WNK1: variants seen among roughly 807,000 people sequenced by gnomAD.
WNK1 encodes WNK lysine deficient protein kinase 1.
Under a neutral mutation model 222.8 loss-of-function variants are expected in WNK1, and 38 were observed. The observed-to-expected ratio is 0.17, with a 90% confidence interval of 0.13 to 0.22. WNK1 has a LOEUF of 0.22. Ranked by LOEUF, WNK1 falls within the 10% of genes least tolerant of loss-of-function variation. The pLI is 1.00. For synonymous variants in WNK1, 1,090 were observed against 1,092.9 expected (o/e 1.00, Z 0.05); for missense variants, 2,348 against 2,918.4 (o/e 0.80, Z 4.50).
At chr12:851,619 C>T in intron 4 of WNK1, 1 of 1,270,140 alleles carries the variant, frequency 7.9e-7, no homozygotes, top group Non-Finnish European at 1.0e-6. Context: ...CTTCCTTATG[C>T]TGTGGGCTGA....
At chr12:890,639 T>C in intron 22 of WNK1, 126 bp downstream of exon 22, 2 of 980,728 alleles carry the variant, frequency 2.0e-6, no homozygotes, top group Non-Finnish European at 1.6e-6. Flanking sequence ...GGTAGTAATA[T>C]CTAAAGCTTG....
At chr12:853,854 G>T (rs78295104) in intron 4 of WNK1, among the ~76,000 whole-genome samples, 180 of 152,124 alleles carry the variant, frequency 1.2e-3, no homozygotes, top group African/African-American at 3.8e-3. Context: ...GGGCTGAAAT[G>T]ATCCTCTGGC....
At chr12:838,187 A>G (rs1018058372) in intron 4 of WNK1, among the ~76,000 whole-genome samples, 37 of 152,138 alleles carry the variant, frequency 2.4e-4, no homozygotes, top group African/African-American at 8.4e-4. Context: ...TGTTGTGAAT[A>G]GAGCTGCTAC....
rs72650723 is a variant in WNK1 at position 883,603 on chromosome 12, A to AT, written c.3663+38dup. On this transcript the variant is annotated intron_variant, in intron 16 of 27. Transcript: ENST00000315939. ...CCACTCCCATAGTGAAACTTTGTTG[A>AT]TTTAAAATATTTTCATAGTTCTAAA... The AT allele has an allele frequency of 5.4e-4, 870 of 1,613,608 alleles. 2 individuals are homozygous for AT. Among genetic ancestry groups the AT allele is most frequent in the Non-Finnish European group, 6.9e-4 (819 of 1,179,664 alleles).
At chr12:842,923 T>TTTTA (rs552343199) in intron 4 of WNK1, among the ~76,000 whole-genome samples, 6,077 of 151,830 alleles carry the variant, frequency 0.04, 138 homozygotes, top group Middle Eastern at 0.054. Context: ...ACTCAAGTGA[T>TTTTA]TTTATTTATT....
Position 865,334 on chromosome 12 carries a change from C to T in WNK1, c.2139+3064C>T, listed in dbSNP as rs1951575572. ...CTGCCTCTCAGCGCAAGCACCGACG[C>T]TCCAGCCTGCCTTCCCTCTTTGTCA... On this transcript the variant is annotated intron_variant, in intron 8 of 27. Coordinates refer to ENST00000315939, the MANE Select transcript of WNK1 (RefSeq NM_018979.4). 3.3e-6 allele frequency: 5 copies of T among 1,536,048 alleles called. No homozygotes were observed. In the African/African-American group the frequency reaches 5.5e-5, roughly 17 times the overall value.
rs1321823473 is a variant in WNK1, at chr12:884,448, CATACCAAGAT to C, written c.3845-197_3845-188del. On this transcript the variant is annotated intron_variant, in intron 18 of 27. Transcript: ENST00000315939. The surrounding 1 kb of genome is among the most constrained non-coding windows in gnomAD (Gnocchi z 5.6). Reference sequence around the variant, plus strand: ...TACAGAAAAAGCCAAGAAGCACGGCCATACCAAGATATAGTCTGTATAATAGATATTGTAG... The same window carrying C: ...TACAGAAAAAGCCAAGAAGCACGGCCATAGTCTGTATAATAGATATTGTAG... Among the ~76,000 whole-genome samples, 21 of 152,204 alleles carry C rather than the reference CATACCAAGAT, an allele frequency of 1.4e-4. No homozygotes were observed. The East Asian group carries it at 4.0e-3, about 29-fold the overall frequency.
At chr12:815,618 T>C (rs891131706) in intron 2 of WNK1, among the ~76,000 whole-genome samples, 7 of 152,252 alleles carry the variant, frequency 4.6e-5, no homozygotes, top group Non-Finnish European at 1.5e-5. Flanking sequence ...TATCACATTC[T>C]ACTGGAAGTG....
chr12:888,585 G>A (rs931646492), intron 20 of WNK1, among the ~76,000 whole-genome samples: 36 of 152,182 alleles, frequency 2.4e-4, no homozygotes, highest in African/African-American at 8.4e-4. Flanking sequence ...GTGTGCTTGC[G>A]GTGGATGGAA....
intron 1 of WNK1, among the ~76,000 whole-genome samples, chr12:785,558 C>T (rs938349524): frequency 6.6e-6 from 1 of 151,900 alleles, no homozygotes; most frequent in Non-Finnish European, 1.5e-5. Flanking sequence ...CCACCACGCC[C>T]AGCTAATTTT....
At position 801,738 on chromosome 12, in the gene WNK1, A is replaced by G. The variant is rs568760990; in HGVS notation, c.760-11904A>G. Among the ~76,000 whole-genome samples the G allele has an allele frequency of 7.9e-5, 12 of 152,248 alleles. No homozygotes were observed. In the South Asian group the frequency reaches 2.3e-3, roughly 29 times the overall value. On this transcript the variant is annotated intron_variant, in intron 1 of 27. Transcript: ENST00000315939. ...TTCCTATTTTCCCACTAAAATTATC[A>G]TAAAATCAGGAATGAATGAAAGCTC...
Position 753,667 on chromosome 12 carries a change from C to T in WNK1, c.102C>T (p.Ser34=), listed in dbSNP as rs1334645967. Residue 34 remains serine (S), a synonymous_variant, in exon 1 of 28, where the codon TCC becomes TCT. Coordinates refer to ENST00000315939, the MANE Select transcript of WNK1 (RefSeq NM_018979.4). This position sits in a 1 kb window ranked among gnomAD's most constrained non-coding sequence, Gnocchi z 5.2. ...APKNGSSSDS[S]VGEKLGAAAA... is the part of the protein sequence containing the mutation. ...AGAATGGCTCCAGCTCCGATTCCTC[C>T]GTGGGGGAGAAACTGGGAGCCGCGG... 1.9e-6 allele frequency: 3 copies of T among 1,612,486 alleles called. No individual in the cohort carries two copies. The highest frequency in any genetic ancestry group is 1.1e-5 in the South Asian group (1 of 91,078).
chr12:776,288 C>T (rs1284367400), intron 1 of WNK1, among the ~76,000 whole-genome samples: 2 of 152,134 alleles, frequency 1.3e-5, no homozygotes, highest in Non-Finnish European at 2.9e-5. Flanking sequence ...TTTGCCTCAG[C>T]CTCCCAACGT....
intron 2 of WNK1, among the ~76,000 whole-genome samples, chr12:823,408 G>A (rs1394826272): frequency 6.6e-6 from 1 of 152,124 alleles, no homozygotes; most frequent in Non-Finnish European, 1.5e-5. Context: ...CTCCCATTGT[G>A]TATATTTTGC....
intron 1 of WNK1, among the ~76,000 whole-genome samples, chr12:768,400 T>G (rs1292524244): frequency 6.6e-6 from 1 of 152,138 alleles, no homozygotes; most frequent in Non-Finnish European, 1.5e-5. Context: ...CCTCCCAAAG[T>G]GCTGGGATTA....
chr12:771,238 C>G (rs1263617435), intron 1 of WNK1, among the ~76,000 whole-genome samples: 1 of 151,934 alleles, frequency 6.6e-6, no homozygotes. Flanking sequence ...ACCTCGTGAT[C>G]CGCCCGCCTC....
chr12:824,830 GCA>G (rs1948224843), intron 2 of WNK1, among the ~76,000 whole-genome samples: 1 of 151,978 alleles, frequency 6.6e-6, no homozygotes, highest in Admixed American at 6.6e-5. Context: ...CATACAGTGA[GCA>G]CACACTCAGC....
Position 902,528 on chromosome 12 carries a change from G to A in WNK1, c.6643+1858G>A, listed in dbSNP as rs183094429. On this transcript the variant is annotated intron_variant, in intron 26 of 27. Coordinates refer to ENST00000315939, the MANE Select transcript of WNK1 (RefSeq NM_018979.4). ...CCTCTAACCCCATAAAATCAAAAGCGGTTTTTAGTTTGGTTATTCTGATAA... is the reference window on the plus strand; with the variant it reads ...CCTCTAACCCCATAAAATCAAAAGCAGTTTTTAGTTTGGTTATTCTGATAA... Among the ~76,000 whole-genome samples the A allele has an allele frequency of 5.5e-4, 84 of 152,144 alleles. 1 individual carries two copies. Among genetic ancestry groups the A allele is most frequent in the Middle Eastern group, 3.4e-3 (1 of 294 alleles).
At chr12:898,644 C>T (rs559834163) in intron 25 of WNK1, among the ~76,000 whole-genome samples, 2 of 152,224 alleles carry the variant, frequency 1.3e-5, no homozygotes, top group African/African-American at 4.8e-5. Context: ...TCATAGCACA[C>T]AACACAACAG....
Sources: allele counts gnomAD v4.1 joint callset (sites outside exome capture counted in the v4.1 genomes callset), GRCh38; gene constraint gnomAD v4.1.1; non-coding constraint Gnocchi (gnomAD v3.1); transcripts MANE v1.5; gene names NCBI Gene and HGNC (gene_info 2026-07-23, HGNC 2026-07-21).